Variants in EPB41L1 observed in about 807,000 individuals in gnomAD.
EPB41L1 encodes the protein erythrocyte membrane protein band 4.1 like 1, also known as band 4.1-like protein 1.
A neutral mutation model predicts 97.8 loss-of-function variants in EPB41L1; 29 were observed. That is an observed-to-expected ratio of 0.30 (90% CI 0.22 to 0.40). The LOEUF (loss-of-function observed/expected upper bound fraction) is 0.40. Among genes scored for constraint, EPB41L1 ranks in the 10% least tolerant of loss-of-function variants. The pLI is 1.00. For missense variants in EPB41L1, 812 were observed against 1,162.3 expected, an observed-to-expected ratio of 0.70 and a Z score of 4.38; for synonymous variants, 383 against 459.2, an observed-to-expected ratio of 0.83 and a Z score of 2.12.
chr20:36,179,913 A>G (rs757862466), intron 5 of EPB41L1, among the ~76,000 whole-genome samples: 35 of 152,288 alleles, frequency 2.3e-4, no homozygotes, highest in South Asian at 2.3e-3. Context: ...GTCCCCCAGG[A>G]GCCCCAGCCT....
At chr20:36,118,463 T>C (rs1219078909) in intron 2 of EPB41L1, among the ~76,000 whole-genome samples, 3 of 152,134 alleles carry the variant, frequency 2.0e-5, no homozygotes, top group Non-Finnish European at 2.9e-5. Flanking sequence ...GTCAGAAAAG[T>C]AGCACCTGGG....
At chr20:36,158,124 CAA>C (rs2060385590) in intron 1 of EPB41L1, among the ~76,000 whole-genome samples, 1 of 152,102 alleles carries the variant, frequency 6.6e-6, no homozygotes. Flanking sequence ...TGTTCAAGGT[CAA>C]ATAGCTAGGC....
At chr20:36,145,809 G>A (rs1275598897) in intron 2 of EPB41L1, among the ~76,000 whole-genome samples, 1 of 152,188 alleles carries the variant, frequency 6.6e-6, no homozygotes, top group Non-Finnish European at 1.5e-5. Flanking sequence ...CATTTGGCCA[G>A]TTGCTAGACA....
intron 2 of EPB41L1, among the ~76,000 whole-genome samples, chr20:36,123,060 C>T (rs2058811592): frequency 1.3e-5 from 2 of 151,854 alleles, no homozygotes; most frequent in Admixed American, 6.6e-5. Flanking sequence ...CTGGTTCAAG[C>T]AGAAGGAGAG....
upstream of EPB41L1, among the ~76,000 whole-genome samples, chr20:36,154,417 G>GC (rs961227604): frequency 2.6e-5 from 4 of 151,848 alleles, no homozygotes; most frequent in Admixed American, 6.6e-5. This position sits in a 1 kb window ranked among gnomAD's most constrained non-coding sequence, Gnocchi z 5.5. Context: ...CGCTCGAGAG[G>GC]CCCCCCAGCT....
intron 1 of EPB41L1, among the ~76,000 whole-genome samples, chr20:36,166,664 A>G (rs2060750354): frequency 6.6e-6 from 1 of 152,202 alleles, no homozygotes; most frequent in South Asian, 2.1e-4. Context: ...AGGCGAGCAG[A>G]TTGGCTGAGC....
At position 36,232,405 on chromosome 20, in the gene EPB41L1, C is replaced by T. The variant is rs1485516108; in HGVS notation, c.*3065C>T. 2 of 382,960 alleles carry T rather than the reference C, an allele frequency of 5.2e-6. No individual in the cohort carries two copies. Among genetic ancestry groups the T allele is most frequent in the Non-Finnish European group, 9.2e-6 (2 of 216,412 alleles). 23.7% of individuals were successfully genotyped at this position (382,960 alleles called of 1,614,324 possible). ...TTCCCCCTCTTGGGCCTCAGTTTCC[C>T]GACTTGCAAAATAAGCAGAAAGAAC... On this transcript the variant is annotated 3_prime_UTR_variant, in exon 22 of 22. Transcript: ENST00000338074.
At chr20:36,099,636 G>T (rs1013920807) in intron 1 of EPB41L1, among the ~76,000 whole-genome samples, 1 of 152,104 alleles carries the variant, frequency 6.6e-6, no homozygotes. Flanking sequence ...ATGAAGTGTC[G>T]CCTCTGTCTG....
At chr20:36,113,211 A>G (rs549322303) in intron 2 of EPB41L1, among the ~76,000 whole-genome samples, 1 of 152,300 alleles carries the variant, frequency 6.6e-6, no homozygotes, top group Admixed American at 6.5e-5. Flanking sequence ...TGATTCTGGC[A>G]GGGCGAGGGA....
At chr20:36,109,105 G>A (rs1052918405) in intron 1 of EPB41L1, among the ~76,000 whole-genome samples, 3 of 151,944 alleles carry the variant, frequency 2.0e-5, no homozygotes, top group Non-Finnish European at 2.9e-5. Flanking sequence ...CACCACGCCC[G>A]GCTAATTTTT....
intron 1 of EPB41L1, among the ~76,000 whole-genome samples, chr20:36,164,687 A>G (rs1419210027): frequency 2.0e-5 from 3 of 151,920 alleles, no homozygotes; most frequent in Non-Finnish European, 2.9e-5. Context: ...TTATTTATTT[A>G]TCTAATTTTA....
Position 36,132,568 on chromosome 20 carries a change from G to C in EPB41L1, c.-10+20088G>C, listed in dbSNP as rs13039461. Among the ~76,000 whole-genome samples, 71 of 49,704 alleles carry C rather than the reference G, an allele frequency of 1.4e-3. 1 individual carries two copies. The highest frequency in any genetic ancestry group is 0.023 in the Middle Eastern group (2 of 88). The allele number at this position is 49,704 out of a possible 152,430, so 32.6% of individuals were successfully genotyped here. A position where few individuals can be genotyped will look rare whatever the true frequency, so the allele number is the denominator to read the frequency against. ...TGAAGACATGGACATCTTTGTGGGC[G>C]GGGGGGGGGGGCGCATTATTATGCC... is the stretch of plus-strand genomic sequence containing the variant. On this transcript the variant is annotated intron_variant, in intron 2 of 19. Transcript: ENST00000202028.
chr20:36,158,058 G>A (rs555923180), intron 1 of EPB41L1, among the ~76,000 whole-genome samples: 24 of 147,714 alleles, frequency 1.6e-4, no homozygotes, highest in African/African-American at 4.5e-4. Context: ...GTGTAGATGA[G>A]GTATAGGAGT....
chr20:36,127,075 G>C (rs930003685), intron 2 of EPB41L1, among the ~76,000 whole-genome samples: 1 of 152,218 alleles, frequency 6.6e-6, no homozygotes, highest in African/African-American at 2.4e-5. Flanking sequence ...GCAGACTGGA[G>C]AGGACTCAGC....
chr20:36,194,099 G>T lies in EPB41L1; in HGVS notation c.1301-113G>T. The T allele has an allele frequency of 4.3e-6, 6 of 1,387,714 alleles. No individual in the cohort carries two copies. The South Asian group carries it at 6.1e-5, about 14-fold the overall frequency. 86.0% of individuals were successfully genotyped at this position (1,387,714 alleles called of 1,614,324 possible). ...CACCCCTCTGGGCAATGGGTGAGGG[G>T]TGTGGAAGAGTTGGCTCCACTCCAG... On this transcript the variant is annotated intron_variant, in intron 11 of 21. Coordinates refer to ENST00000338074, the MANE Select transcript of EPB41L1 (RefSeq NM_012156.2).
chr20:36,129,161 G>T (rs2059090391), intron 2 of EPB41L1, among the ~76,000 whole-genome samples: 1 of 151,694 alleles, frequency 6.6e-6, no homozygotes, highest in Admixed American at 6.6e-5. Flanking sequence ...TGAGGGGTGG[G>T]TCCTGGGAGT....
rs374403333 is a variant in EPB41L1 at position 36,133,181 on chromosome 20, C to T, written c.-10+20701C>T. ...CCTGGTCCACCAGCGTTGAGCCCCG[C>T]CTTGTTTCTGGCCTGGGACTGCCAT... On this transcript the variant is annotated intron_variant, in intron 2 of 19. Coordinates refer to the EPB41L1 transcript ENST00000202028. 3.9e-5 allele frequency among the ~76,000 whole-genome samples: 6 copies of T among 152,238 alleles called. No individual in the cohort carries two copies. The East Asian group carries it at 9.6e-4, about 24-fold the overall frequency.
intron 1 of EPB41L1, among the ~76,000 whole-genome samples, chr20:36,099,436 G>A (rs986361047): frequency 6.6e-6 from 1 of 152,144 alleles, no homozygotes; most frequent in Non-Finnish European, 1.5e-5. Context: ...GCGATCCCAG[G>A]AGATAATGAG....
At chr20:36,106,057 T>C (rs2058181413) in intron 1 of EPB41L1, among the ~76,000 whole-genome samples, 1 of 151,542 alleles carries the variant, frequency 6.6e-6, no homozygotes, top group African/African-American at 2.4e-5. Context: ...GTGAGTGCTC[T>C]TAGGGGAGGT....
Sources: gnomAD v4.1 joint callset for allele counts (sites outside exome capture counted in the v4.1 genomes callset) on GRCh38, gnomAD v4.1.1 for gene constraint, Gnocchi (gnomAD v3.1) non-coding constraint, MANE v1.5 for transcripts, NCBI Gene and HGNC (gene_info 2026-07-23, HGNC 2026-07-21) for gene names.